The following DDX24 variants were observed in gnomAD, a reference collection of about 807,000 sequenced individuals.
DDX24 encodes ATP-dependent RNA helicase DDX24.
DDX24 carries 24 observed loss-of-function variants against 68.9 expected under a neutral mutation model. That is an observed-to-expected ratio of 0.35 (90% CI 0.25 to 0.49). DDX24 has a LOEUF of 0.49. Ranked by LOEUF, DDX24 falls within the 20% of genes least tolerant of loss-of-function variation. The probability of loss-of-function intolerance (pLI) is 0.99; values close to 1 mark genes in which losing one functional copy is unlikely to be tolerated. For synonymous variants in DDX24, 395 were observed against 385.2 expected, an observed-to-expected ratio of 1.03 and a Z score of -0.30; for missense variants, 989 against 1,039.0, an observed-to-expected ratio of 0.95 and a Z score of 0.66.
At chr14:94,077,881 AAAAG>A (rs1309987782) in intron 2 of DDX24, among the ~76,000 whole-genome samples, 2 of 152,284 alleles carry the variant, frequency 1.3e-5, no homozygotes, top group South Asian at 2.1e-4. Flanking sequence ...AAAAAAAAAA[AAAAG>A]AACATAAAAT....
Position 94,053,321 on chromosome 14 carries a change from C to A in DDX24, c.2179-194G>T. ...AAGCAATCCTCCCACCTCAGCCTCC[C>A]AAGCAGCTGGGAGGCACCACCATGC... On this transcript the variant is annotated intron_variant, in intron 7 of 8. Coordinates refer to ENST00000621632, the MANE Select transcript of DDX24 (RefSeq NM_020414.4). 5.9e-6 allele frequency: 3 copies of A among 510,208 alleles called. No homozygotes were observed. In the South Asian group the frequency reaches 9.4e-5, roughly 16 times the overall value. 31.6% of individuals were successfully genotyped at this position (510,208 alleles called of 1,614,324 possible). A position where few individuals can be genotyped will look rare whatever the true frequency, so the allele number is the denominator to read the frequency against.
At chr14:94,068,267 G>A (rs546699012) in intron 2 of DDX24, among the ~76,000 whole-genome samples, 1 of 152,198 alleles carries the variant, frequency 6.6e-6, no homozygotes, top group South Asian at 2.1e-4. Flanking sequence ...CAGACAAAGA[G>A]GAACATTATA....
intron 3 of DDX24, among the ~76,000 whole-genome samples, chr14:94,061,527 G>A (rs1885596633): frequency 6.6e-6 from 1 of 152,188 alleles, no homozygotes; most frequent in African/African-American, 2.4e-5. Flanking sequence ...AGTATCATGT[G>A]GGTAAAGGGC....
At chr14:94,054,825 CT>C (rs1314953107) in intron 7 of DDX24, among the ~76,000 whole-genome samples, 170 bp downstream of exon 7, 1 of 152,184 alleles carries the variant, frequency 6.6e-6, no homozygotes, top group East Asian at 1.9e-4. Flanking sequence ...CCTTTTCTCC[CT>C]TTTCCCAGGT....
intron 6 of DDX24, chr14:94,056,722 G>C (rs1347025322): frequency 1.3e-5 from 2 of 152,240 alleles, no homozygotes; most frequent in African/African-American, 4.8e-5. Context: ...CTTATCGACT[G>C]GTTGCGGGGA....
At chr14:94,066,700 G>A (rs1306766812) in intron 2 of DDX24, among the ~76,000 whole-genome samples, 4 of 152,210 alleles carry the variant, frequency 2.6e-5, no homozygotes, top group Non-Finnish European at 4.4e-5. Context: ...CCAGAGCCGG[G>A]TAGATTTGCT....
At chr14:94,055,861 A>T (rs1388397115) in intron 6 of DDX24, 1 of 152,286 alleles carries the variant, frequency 6.6e-6, no homozygotes, top group Non-Finnish European at 1.5e-5. Context: ...AGTGCCCCTG[A>T]ACACTGCCCA....
At chr14:94,052,943 A>G in intron 8 of DDX24, 55 bp downstream of exon 8, 1 of 1,567,950 alleles carries the variant, frequency 6.4e-7, no homozygotes, top group Non-Finnish European at 8.6e-7. Context: ...CCAACAAAGC[A>G]AAAGTTAAAG....
chr14:94,055,177 C>T lies in DDX24; in HGVS notation c.1997G>A (p.Arg666His), dbSNP rs1431849914. Reference protein sequence around the residue: ...VQHVIHYQVPRTSEIYVHRSG... With the variant: ...VQHVIHYQVPHTSEIYVHRSG... Reference sequence around the variant, plus strand: ...TCGGTGGACATAAATCTCCGAGGTACGTGGGACCTGCCACAGGAAGAACTG... The same window carrying T: ...TCGGTGGACATAAATCTCCGAGGTATGTGGGACCTGCCACAGGAAGAACTG... Residue 666 changes from arginine (R) to histidine (H), a missense_variant, in exon 7 of 9, where the codon CGT (arginine) becomes CAT (histidine). This residue lies in a region of DDX24 where 691 missense variants were observed against 760.0 expected (regional missense o/e 0.91). Transcript: ENST00000621632. 1.2e-6 allele frequency: 2 copies of T among 1,612,312 alleles called. No homozygotes were observed. The highest frequency in any genetic ancestry group is 3.3e-5 in the Admixed American group (2 of 59,980).
chr14:94,052,720 AACACAGGCAG>A (rs1169201793), intron 8 of DDX24, among the ~76,000 whole-genome samples: 1 of 152,222 alleles, frequency 6.6e-6, no homozygotes, highest in Non-Finnish European at 1.5e-5. Context: ...CCGGCATTCT[AACACAGGCAG>A]CCTGGCCAGA....
At chr14:94,058,006 AAGAT>A (rs1456050073) in intron 5 of DDX24, 109 bp from the exon 6 acceptor site, 2 of 1,003,522 alleles carry the variant, frequency 2.0e-6, no homozygotes, top group Non-Finnish European at 2.9e-6. Context: ...AATACTCTGT[AAGAT>A]ATCACTTGTA....
rs142609376 is a variant in DDX24, at chr14:94,079,712, T to C, written c.31A>G (p.Lys11Glu). 2,943 of 1,614,104 alleles carry C rather than the reference T, an allele frequency of 1.8e-3. 42 individuals are homozygous for C. In the East Asian group the frequency reaches 0.03, roughly 17 times the overall value. ...TGAAATTTGCCACAGCTTGACTGCTTTGGCCTTGATTTTGTGTCCTTCAAC... is the reference window on the plus strand; with the variant it reads ...TGAAATTTGCCACAGCTTGACTGCTCTGGCCTTGATTTTGTGTCCTTCAAC... MKLKDTKSRP[K>E]QSSCGKFQTK... The change falls in exon 2 of 9, where the codon AAG becomes GAG. Residue 11 changes from lysine to glutamate, a missense_variant. Lys to Glu is a moderately conservative substitution (Grantham distance 56). Coordinates refer to ENST00000621632, the MANE Select transcript of DDX24 (RefSeq NM_020414.4).
At chr14:94,073,050 C>T (rs571949931) in intron 2 of DDX24, among the ~76,000 whole-genome samples, 6 of 150,366 alleles carry the variant, frequency 4.0e-5, no homozygotes, top group African/African-American at 9.7e-5. Flanking sequence ...AATCATTAAA[C>T]GTAAATAATC....
At chr14:94,080,657 G>A (rs1359898650) in intron 1 of DDX24, among the ~76,000 whole-genome samples, 3 of 151,992 alleles carry the variant, frequency 2.0e-5, no homozygotes, top group East Asian at 1.9e-4. Flanking sequence ...AGGAGAGCAC[G>A]TTCGCACACA....
rs748243329 is a variant in DDX24 at position 94,079,265 on chromosome 14, T to C, written c.478A>G (p.Lys160Glu). 3 of 1,614,150 alleles carry C rather than the reference T, an allele frequency of 1.9e-6. No homozygotes were observed. In the South Asian group the frequency reaches 3.3e-5, roughly 18 times the overall value. ...CTCTGAGAAGGCTCCAACCCTTTTT[T>C]CCCTTTATTTTTCTTCTTTTTTGGA... is the stretch of plus-strand genomic sequence containing the variant. Reference protein sequence around the residue: ...TAPKKKKNKGKKGLEPSQSTA... With the variant: ...TAPKKKKNKGEKGLEPSQSTA... Residue 160 changes from lysine to glutamate, a missense_variant, in exon 2 of 9, where the codon AAA (lysine) becomes GAA (glutamate). Physicochemically the swap from Lys to Glu is moderately conservative, Grantham distance 56. Coordinates refer to ENST00000621632, the MANE Select transcript of DDX24 (RefSeq NM_020414.4).
Position 94,060,159 on chromosome 14 carries a change from G to A in DDX24, c.1852C>T (p.His618Tyr). 1 of 1,614,206 alleles carries A rather than the reference G, an allele frequency of 6.2e-7. No individual in the cohort carries two copies. The highest frequency in any genetic ancestry group is 8.5e-7 in the Non-Finnish European group (1 of 1,180,046). The change falls in exon 5 of 9, where the codon CAT becomes TAT. Residue 618 changes from histidine (H) to tyrosine (Y), a missense_variant. Transcript: ENST00000621632. Reference sequence around the variant, plus strand: ...CTCTGCTTCTGGTGCATACAGGCATGCAGGGTCAAGGGCATGATATCAAGG... The same window carrying A: ...CTCTGCTTCTGGTGCATACAGGCATACAGGGTCAAGGGCATGATATCAAGG... The part of the protein sequence containing the change: ...KVLDIMPLTL[H>Y]ACMHQKQRLR...
chr14:94,062,104 C>T lies in DDX24; in HGVS notation c.1236G>A (p.Arg412=), dbSNP rs1567059190. 6.2e-7 allele frequency: 1 copy of T among 1,608,652 alleles called. No individual in the cohort carries two copies. Reference sequence around the variant, plus strand: ...AATGGAACTAAACCTCACCTGTAAACCTGGCCACAGCATCAATGTGCTGTT... The same window carrying T: ...AATGGAACTAAACCTCACCTGTAAATCTGGCCACAGCATCAATGTGCTGTT... ...QVKQHIDAVA[R]FTGIKTAILV... is the part of the protein sequence containing the mutation. Residue 412 remains arginine, a synonymous_variant, in exon 3 of 9, where the codon AGG becomes AGA. Coordinates refer to ENST00000621632, the MANE Select transcript of DDX24 (RefSeq NM_020414.4).
chr14:94,071,536 C>T (rs1378219008), intron 2 of DDX24, among the ~76,000 whole-genome samples: 2 of 152,170 alleles, frequency 1.3e-5, no homozygotes. Flanking sequence ...GTAATCCCAG[C>T]TACTTAAGGA....
At chr14:94,079,873 T>C (rs1886027710) in intron 1 of DDX24, 126 bp from the exon 2 acceptor site, 3 of 842,218 alleles carry the variant, frequency 3.6e-6, no homozygotes. Flanking sequence ...TATCACACAG[T>C]TGCTCCCACC....
Sources: allele counts gnomAD v4.1 joint callset (sites outside exome capture counted in the v4.1 genomes callset), GRCh38; gene constraint gnomAD v4.1.1; regional missense constraint gnomAD v4.1.1; transcripts MANE v1.5; gene names NCBI Gene and HGNC (gene_info 2026-07-23, HGNC 2026-07-21).